The following GALNT5 variants were observed in gnomAD, a reference collection of about 807,000 sequenced individuals.
GALNT5 encodes UDP-GalNAc:polypeptide N-acetylgalactosaminyltransferase 5.
In GALNT5, 72 loss-of-function variants were observed where a neutral mutation model predicts 85.4. The observed-to-expected ratio is 0.84, with a 90% CI of 0.70 to 1.03. The LOEUF is 1.03. GALNT5 is among the 50% of genes least tolerant of loss of function. The pLI is 0.00. For synonymous variants in GALNT5, 404 were observed against 397.0 expected (o/e 1.02, Z -0.21); for missense variants, 1,137 against 1,135.5 (o/e 1.00, Z -0.02).
At chr2:157,275,598 G>A (rs1301598505) in intron 1 of GALNT5, among the ~76,000 whole-genome samples, 1 of 152,152 alleles carries the variant, frequency 6.6e-6, no homozygotes, top group East Asian at 1.9e-4. Context: ...TTGTGAATCG[G>A]AGTTCACTAA....
chr2:157,285,287 A>C (rs1032090358), intron 2 of GALNT5, among the ~76,000 whole-genome samples: 3 of 152,226 alleles, frequency 2.0e-5, no homozygotes, highest in African/African-American at 7.2e-5. Flanking sequence ...TTGGAAGCAT[A>C]AACAGGAATA....
In GALNT5 at chr2:157,317,889, C is replaced by A. The variant is rs200760261; in HGVS notation, c.*6541C>A. 6.6e-5 allele frequency among the ~76,000 whole-genome samples: 10 copies of A among 152,210 alleles called. No individual in the cohort carries two copies. The East Asian group carries it at 1.7e-3, about 26-fold the overall frequency. Reference sequence around the variant, plus strand: ...TCTCATGTTCTTCATGAACTATATACACATTTTCATTGTCTTTAAACAATA... The same window carrying A: ...TCTCATGTTCTTCATGAACTATATAAACATTTTCATTGTCTTTAAACAATA... On this transcript the variant is annotated 3_prime_UTR_variant, in exon 10 of 10. Transcript: ENST00000259056.
chr2:157,287,313 G>C (rs1411421505), intron 3 of GALNT5, among the ~76,000 whole-genome samples: 1 of 152,052 alleles, frequency 6.6e-6, no homozygotes, highest in Non-Finnish European at 1.5e-5. Context: ...CTGAAAATTT[G>C]CTTTTCTATA....
intron 1 of GALNT5, among the ~76,000 whole-genome samples, chr2:157,267,765 C>A (rs11904136): frequency 6.6e-6 from 1 of 152,090 alleles, no homozygotes; most frequent in Non-Finnish European, 1.5e-5. Flanking sequence ...CAACCACAGC[C>A]GCAGCTGGCT....
intron 7 of GALNT5, among the ~76,000 whole-genome samples, chr2:157,302,862 T>G (rs950795974): frequency 2.0e-5 from 3 of 152,220 alleles, no homozygotes; most frequent in Non-Finnish European, 4.4e-5. Context: ...CTTTGTTGTC[T>G]TCCTTAAACA....
intron 3 of GALNT5, among the ~76,000 whole-genome samples, chr2:157,292,711 TA>T: frequency 6.6e-6 from 1 of 150,676 alleles, no homozygotes; most frequent in Non-Finnish European, 1.5e-5. Flanking sequence ...ATCGTATTAT[TA>T]TTTTTTTTTT....
intron 8 of GALNT5, among the ~76,000 whole-genome samples, chr2:157,307,562 C>T (rs947658580): frequency 7.2e-5 from 11 of 152,274 alleles, no homozygotes; most frequent in African/African-American, 2.2e-4. Context: ...ACTGCAGATT[C>T]TGAATCAGTA....
chr2:157,290,199 G>A lies in GALNT5; in HGVS notation c.1741+4065G>A, dbSNP rs553990474. 8.8e-4 allele frequency among the ~76,000 whole-genome samples: 133 copies of A among 150,882 alleles called. 1 individual carries two copies. The highest frequency in any genetic ancestry group is 7.5e-4 in the Non-Finnish European group (51 of 67,906). ...AAATAAATAATAAATTTATAAATTT[G>A]ACAAATTGCTATAAAGTTTCAAAAT... On this transcript the variant is annotated intron_variant, in intron 3 of 9. Transcript: ENST00000259056.
intron 1 of GALNT5, among the ~76,000 whole-genome samples, chr2:157,269,130 T>C (rs1241021142): frequency 6.6e-6 from 1 of 152,206 alleles, no homozygotes; most frequent in Non-Finnish European, 1.5e-5. Flanking sequence ...CCTACCCTAT[T>C]ACATTAGCAA....
At chr2:157,290,112 T>TATATATATACACACACAC (rs1416458086) in intron 3 of GALNT5, among the ~76,000 whole-genome samples, 2 of 138,234 alleles carry the variant, frequency 1.4e-5, no homozygotes, top group African/African-American at 3.1e-5. Flanking sequence ...TATATATATA[T>TATATATATACACACACAC]ACATACACAA....
chr2:157,286,205 A>G, intron 3 of GALNT5, 71 bp downstream of exon 3: 1 of 1,310,002 alleles, frequency 7.6e-7, no homozygotes, highest in South Asian at 1.3e-5. Context: ...AACATACAGC[A>G]AATGTGAAAG....
At chr2:157,261,775 A>C (rs1161956645) in intron 1 of GALNT5, among the ~76,000 whole-genome samples, 2 of 152,242 alleles carry the variant, frequency 1.3e-5, no homozygotes, top group African/African-American at 4.8e-5. Flanking sequence ...AATACAATCA[A>C]AAAACATTTG....
At chr2:157,286,354 A>G (rs1353503162) in intron 3 of GALNT5, among the ~76,000 whole-genome samples, 2 of 152,226 alleles carry the variant, frequency 1.3e-5, no homozygotes, top group Non-Finnish European at 2.9e-5. Flanking sequence ...AAGAAGTTAC[A>G]GACATCATCA....
chr2:157,281,204 A>G (rs1682847408), intron 1 of GALNT5, among the ~76,000 whole-genome samples: 1 of 152,172 alleles, frequency 6.6e-6, no homozygotes, highest in Admixed American at 6.5e-5. Flanking sequence ...AGCTGGGATT[A>G]CAGGCACCCG....
chr2:157,259,633 A>G lies in GALNT5; in HGVS notation c.1454+97A>G, dbSNP rs1682294040. The G allele has an allele frequency of 8.0e-6, 7 of 879,722 alleles. No individual in the cohort carries two copies. The South Asian group carries it at 2.7e-4, about 34-fold the overall frequency. The allele number at this position is 879,722 out of a possible 1,614,324, so 54.5% of individuals were successfully genotyped here. Reference sequence around the variant, plus strand: ...AGATAATTCTGTGTGATTTTTGGTCACCTAGAGAATTAAAGAAACATTAAT... The same window carrying G: ...AGATAATTCTGTGTGATTTTTGGTCGCCTAGAGAATTAAAGAAACATTAAT... On this transcript the variant is annotated intron_variant, in intron 1 of 9. Transcript: ENST00000259056.
intron 9 of GALNT5, 151 bp downstream of exon 9, chr2:157,308,879 A>G (rs1023641155): frequency 3.8e-6 from 2 of 526,218 alleles, no homozygotes; most frequent in East Asian, 6.4e-5. Context: ...AGATGCATGG[A>G]TATCTTTCGA....
chr2:157,310,609 C>G (rs1683548909), intron 9 of GALNT5, among the ~76,000 whole-genome samples: 1 of 152,068 alleles, frequency 6.6e-6, no homozygotes. Flanking sequence ...ATATATAAGC[C>G]ATTAGTAAGG....
At chr2:157,295,062 T>C in intron 3 of GALNT5, among the ~76,000 whole-genome samples, 1 of 152,120 alleles carries the variant, frequency 6.6e-6, no homozygotes, top group Non-Finnish European at 1.5e-5. Context: ...TGCAGGCCCA[T>C]AGTGTTACAT....
intron 7 of GALNT5, among the ~76,000 whole-genome samples, chr2:157,303,786 T>C (rs1277139968): frequency 6.6e-6 from 1 of 152,212 alleles, no homozygotes; most frequent in African/African-American, 2.4e-5. Flanking sequence ...TTATCTTTCC[T>C]TCCAATGCTT....
Sources: gnomAD v4.1 joint callset for allele counts (sites outside exome capture counted in the v4.1 genomes callset) on GRCh38, gnomAD v4.1.1 for gene constraint, MANE v1.5 for transcripts, NCBI Gene and HGNC (gene_info 2026-07-23, HGNC 2026-07-21) for gene names.